Variants in ST7 observed in about 807,000 individuals in gnomAD.
ST7 encodes the protein suppression of tumorigenicity 7, also known as suppressor of tumorigenicity 7 protein.
ST7 carries 28 observed loss-of-function variants against 78.7 expected under a neutral mutation model. The observed-to-expected ratio is 0.36, with a 90% CI of 0.26 to 0.49. The LOEUF is 0.49. Among genes scored for constraint, ST7 ranks in the 20% least tolerant of loss-of-function variants. The probability of loss-of-function intolerance (pLI) is 0.99; values close to 1 mark genes in which losing one functional copy is unlikely to be tolerated. For synonymous variants in ST7, 247 were observed against 249.6 expected, an observed-to-expected ratio of 0.99 and a Z score of 0.10; for missense variants, 418 against 696.0, an observed-to-expected ratio of 0.60 and a Z score of 4.49.
At chr7:116,994,201 T>C (rs1794549563) in intron 1 of ST7, among the ~76,000 whole-genome samples, 1 of 152,188 alleles carries the variant, frequency 6.6e-6, no homozygotes, top group Non-Finnish European at 1.5e-5. Context: ...CCGTTCTACT[T>C]TCTCTCTCTA....
In ST7 at chr7:117,170,878, C is replaced by T; in HGVS notation, c.980C>T (p.Pro327Leu). Residue 327 changes from proline to leucine, a missense_variant, in exon 10 of 16, where the codon CCC (proline) becomes CTC (leucine). This residue lies in a region of ST7 where 288 missense variants were observed against 537.1 expected (regional missense o/e 0.54). Coordinates refer to ENST00000323984, the MANE Select transcript of ST7 (RefSeq NM_001369598.1). ...CTGCCCTAGTTAATGAAGGAGTTCC[C>T]CCTTCTGAGTATGTTCAATATCCAT... ...KMMRDLMKEF[P>L]LLSMFNIHEN... 1 of 1,593,202 alleles carries T rather than the reference C, an allele frequency of 6.3e-7. No homozygotes were observed.
chr7:117,102,262 G>C (rs780833976), intron 2 of ST7, among the ~76,000 whole-genome samples: 26 of 152,128 alleles, frequency 1.7e-4, no homozygotes, highest in Non-Finnish European at 3.2e-4. Context: ...CACATTTGTC[G>C]GGGCGGGGGC....
chr7:116,966,105 T>G (rs1562981526), intron 1 of ST7: 1 of 466,166 alleles, frequency 2.1e-6, no homozygotes, highest in East Asian at 7.0e-5. Flanking sequence ...TTAACATGTT[T>G]TCTTCTGTCT....
intron 12 of ST7, among the ~76,000 whole-genome samples, chr7:117,207,358 G>A (rs565870227): frequency 1.1e-3 from 172 of 152,086 alleles, no homozygotes; most frequent in African/African-American, 3.8e-3. Flanking sequence ...TGGCCAGGCT[G>A]GTCTTGAACT....
intron 9 of ST7, among the ~76,000 whole-genome samples, chr7:117,147,023 A>G (rs923940727): frequency 1.3e-5 from 2 of 152,154 alleles, no homozygotes; most frequent in Non-Finnish European, 2.9e-5. Flanking sequence ...CTGTGACTAT[A>G]ACAGTCTTTG....
chr7:117,150,103 G>C (rs554753228), intron 9 of ST7, among the ~76,000 whole-genome samples: 1 of 152,108 alleles, frequency 6.6e-6, no homozygotes, highest in East Asian at 1.9e-4. Flanking sequence ...ACCAGGCCTC[G>C]CTCAGTCCCT....
intron 1 of ST7, among the ~76,000 whole-genome samples, chr7:117,055,192 T>G (rs977988543): frequency 1.3e-4 from 20 of 152,150 alleles, no homozygotes; most frequent in African/African-American, 4.8e-4. Context: ...ATTTATTTTC[T>G]GCTCCTTAAT....
At chr7:117,156,154 C>T (rs1416933592) in intron 9 of ST7, among the ~76,000 whole-genome samples, 2 of 152,094 alleles carry the variant, frequency 1.3e-5, no homozygotes, top group African/African-American at 2.4e-5. Context: ...TGCTTATTTT[C>T]CATTTTTCCT....
chr7:117,056,930 C>T (rs992259623), intron 1 of ST7, among the ~76,000 whole-genome samples: 2 of 152,018 alleles, frequency 1.3e-5, no homozygotes, highest in African/African-American at 4.8e-5. Flanking sequence ...TAAGAGATTC[C>T]TTTACATCAA....
intron 1 of ST7, among the ~76,000 whole-genome samples, chr7:117,033,815 A>C (rs572033509): frequency 6.6e-6 from 1 of 152,300 alleles, no homozygotes; most frequent in African/African-American, 2.4e-5. Flanking sequence ...AATAGACTGA[A>C]ATGCTCATTC....
chr7:117,116,369 G>T (rs746704502), intron 2 of ST7, among the ~76,000 whole-genome samples: 2 of 152,104 alleles, frequency 1.3e-5, no homozygotes, highest in Non-Finnish European at 2.9e-5. Flanking sequence ...TACATTGTAG[G>T]TATGCACCAG....
chr7:117,016,673 G>GA (rs1409312459), intron 1 of ST7, among the ~76,000 whole-genome samples: 4 of 152,176 alleles, frequency 2.6e-5, no homozygotes, highest in South Asian at 2.1e-4. Context: ...GTGCTGTAGA[G>GA]AAAAAAATAT....
chr7:116,962,820 T>C (rs1332419147), intron 1 of ST7, among the ~76,000 whole-genome samples: 1 of 152,186 alleles, frequency 6.6e-6, no homozygotes, highest in Middle Eastern at 3.2e-3. Context: ...TATAGGATCA[T>C]GTCGTCTGCA....
intron 9 of ST7, among the ~76,000 whole-genome samples, chr7:117,151,493 T>C (rs1314386514): frequency 6.6e-6 from 1 of 152,230 alleles, no homozygotes; most frequent in African/African-American, 2.4e-5. Flanking sequence ...CCTTCCATGA[T>C]ACCCAGTTGA....
intron 2 of ST7, among the ~76,000 whole-genome samples, chr7:117,102,857 A>G (rs1461429180): frequency 6.6e-6 from 1 of 152,158 alleles, no homozygotes; most frequent in African/African-American, 2.4e-5. Context: ...CAAAAACAGA[A>G]CTGATAAACG....
At chr7:117,127,403 A>T (rs1237678983) in intron 3 of ST7, among the ~76,000 whole-genome samples, 1 of 151,920 alleles carries the variant, frequency 6.6e-6, no homozygotes, top group Non-Finnish European at 1.5e-5. Flanking sequence ...TATGGAACAG[A>T]GGGACAAAGA....
At chr7:117,090,025 C>T (rs921968713) in intron 1 of ST7, among the ~76,000 whole-genome samples, 2 of 152,134 alleles carry the variant, frequency 1.3e-5, no homozygotes, top group African/African-American at 2.4e-5. Context: ...GGAAAGATTC[C>T]GTTGTGAAAT....
intron 1 of ST7, among the ~76,000 whole-genome samples, chr7:117,093,152 G>T (rs117516368): frequency 0.016 from 2,377 of 152,172 alleles, 47 homozygotes; most frequent in East Asian, 0.049. Context: ...CTCAGGTTTA[G>T]TACTACCCCA....
At chr7:117,170,659 C>T (rs112336028) in intron 9 of ST7, among the ~76,000 whole-genome samples, 6 of 151,914 alleles carry the variant, frequency 3.9e-5, no homozygotes, top group East Asian at 1.9e-4. Flanking sequence ...CCAGCCTGGG[C>T]GACAGAGCAA....
Sources: gnomAD v4.1 joint callset for allele counts (sites outside exome capture counted in the v4.1 genomes callset) on GRCh38, gnomAD v4.1.1 for gene constraint, gnomAD v4.1.1 regional missense constraint, MANE v1.5 for transcripts, NCBI Gene and HGNC (gene_info 2026-07-23, HGNC 2026-07-21) for gene names.